DGKI: variants seen among roughly 807,000 people sequenced by gnomAD.
DGKI encodes the protein diacylglycerol kinase iota.
DGKI carries 55 observed loss-of-function variants against 147.5 expected under a neutral mutation model. The ratio of observed to expected loss-of-function variants is 0.37; its 90% CI spans 0.30 to 0.47. The LOEUF is 0.47. Among genes scored for constraint, DGKI ranks in the 20% least tolerant of loss-of-function variants. The pLI, the probability that DGKI is intolerant of heterozygous loss-of-function variation, is 1.00. For missense variants in DGKI, 1,007 were observed against 1,323.8 expected, an observed-to-expected ratio of 0.76 and a Z score of 3.71; for synonymous variants, 469 against 477.1, an observed-to-expected ratio of 0.98 and a Z score of 0.22.
intron 20 of DGKI, among the ~76,000 whole-genome samples, chr7:137,542,123 T>C (rs1326698227): frequency 6.6e-6 from 1 of 152,184 alleles, no homozygotes; most frequent in Non-Finnish European, 1.5e-5. Flanking sequence ...TACCAAGTGC[T>C]GATAGGGGTG....
intron 23 of DGKI, among the ~76,000 whole-genome samples, chr7:137,475,993 C>A (rs1210736431): frequency 1.3e-5 from 2 of 152,110 alleles, no homozygotes; most frequent in Non-Finnish European, 2.9e-5. Context: ...AAGCCCTTTC[C>A]TTTCAAAGTC....
chr7:137,595,576 T>C (rs549346716), intron 12 of DGKI, among the ~76,000 whole-genome samples: 123 of 152,306 alleles, frequency 8.1e-4, no homozygotes, highest in African/African-American at 2.9e-3. Context: ...TTCACAAGTG[T>C]GTGGACTTGG....
chr7:137,472,371 T>TATTATATGTATATATACATATAATA (rs1563040368), intron 23 of DGKI, among the ~76,000 whole-genome samples: 5 of 28,564 alleles, frequency 1.8e-4, no homozygotes, highest in East Asian at 1.3e-3. Flanking sequence ...TACATATAAT[T>TATTATATGTATATATACATATAATA]ATTATATGTA....
intron 23 of DGKI, among the ~76,000 whole-genome samples, chr7:137,477,990 C>G (rs1461386299): frequency 6.6e-6 from 1 of 152,184 alleles, no homozygotes; most frequent in Non-Finnish European, 1.5e-5. Context: ...ACAATCCCCA[C>G]ATATGTATTC....
chr7:137,694,025 TAAAA>T (rs1291034408), intron 1 of DGKI, among the ~76,000 whole-genome samples: 2 of 152,168 alleles, frequency 1.3e-5, no homozygotes, highest in Admixed American at 6.5e-5. Flanking sequence ...AATAGAAATT[TAAAA>T]ATTTATGGAA....
intron 7 of DGKI, among the ~76,000 whole-genome samples, chr7:137,621,441 A>G (rs1186416285): frequency 6.6e-6 from 1 of 152,210 alleles, no homozygotes; most frequent in Non-Finnish European, 1.5e-5. Context: ...GATGGAATCA[A>G]AACCCCAACC....
At chr7:137,756,714 TA>T (rs995003814) in intron 1 of DGKI, among the ~76,000 whole-genome samples, 13 of 150,484 alleles carry the variant, frequency 8.6e-5, no homozygotes, top group South Asian at 2.1e-4. Context: ...CTTGTGGGTT[TA>T]AAAAAAAAAT....
intron 28 of DGKI, among the ~76,000 whole-genome samples, chr7:137,412,487 T>C (rs934584225): frequency 2.6e-5 from 4 of 152,160 alleles, no homozygotes; most frequent in Non-Finnish European, 5.9e-5. Flanking sequence ...AAATCTCAAC[T>C]CTGATACTTT....
chr7:137,645,229 T>C (rs1821782974), intron 6 of DGKI, among the ~76,000 whole-genome samples: 1 of 152,256 alleles, frequency 6.6e-6, no homozygotes, highest in African/African-American at 2.4e-5. Flanking sequence ...ATCAATGAAA[T>C]TCACTGTAAG....
intron 30 of DGKI, among the ~76,000 whole-genome samples, chr7:137,405,445 G>A (rs1811909049): frequency 1.3e-5 from 2 of 152,160 alleles, no homozygotes; most frequent in Admixed American, 1.3e-4. Flanking sequence ...TTAAGACCCA[G>A]AACCAAAGTC....
intron 1 of DGKI, among the ~76,000 whole-genome samples, chr7:137,808,466 A>T (rs191861754): frequency 1.4e-3 from 210 of 152,304 alleles, no homozygotes; most frequent in African/African-American, 5.0e-3. Flanking sequence ...ACCATCACAC[A>T]GTGCTGCCTC....
intron 21 of DGKI, among the ~76,000 whole-genome samples, chr7:137,499,759 C>T (rs1483982812): frequency 1.3e-5 from 2 of 152,098 alleles, no homozygotes; most frequent in African/African-American, 2.4e-5. Flanking sequence ...TTTCCTGGTC[C>T]TCCAACTTTC....
chr7:137,490,923 T>C (rs923627535), intron 21 of DGKI, among the ~76,000 whole-genome samples: 4 of 152,244 alleles, frequency 2.6e-5, no homozygotes, highest in Admixed American at 6.5e-5. Context: ...GAACAAGCTG[T>C]GTTCCAGAAT....
At chr7:137,415,076 C>T (rs1294998984) in intron 28 of DGKI, among the ~76,000 whole-genome samples, 1 of 151,996 alleles carries the variant, frequency 6.6e-6, no homozygotes, top group African/African-American at 2.4e-5. Flanking sequence ...TGAAGCTGGG[C>T]AGACATATCT....
intron 1 of DGKI, among the ~76,000 whole-genome samples, chr7:137,733,880 C>T (rs1467253180): frequency 6.6e-6 from 1 of 152,074 alleles, no homozygotes; most frequent in Admixed American, 6.5e-5. Context: ...GTTTCACATG[C>T]TACCTATAAA....
chr7:137,572,129 A>C (rs946540834), intron 18 of DGKI, among the ~76,000 whole-genome samples: 1 of 152,220 alleles, frequency 6.6e-6, no homozygotes, highest in Non-Finnish European at 1.5e-5. Flanking sequence ...TTTGTGTCTG[A>C]GTTGTTTGGC....
chr7:137,795,789 T>TAA (rs1386163624), intron 1 of DGKI, among the ~76,000 whole-genome samples: 1 of 152,218 alleles, frequency 6.6e-6, no homozygotes, highest in African/African-American at 2.4e-5. Flanking sequence ...TTGCATACTC[T>TAA]AACTCACACA....
chr7:137,800,055 G>A (rs779758469), intron 1 of DGKI, among the ~76,000 whole-genome samples: 1 of 152,148 alleles, frequency 6.6e-6, no homozygotes, highest in Non-Finnish European at 1.5e-5. Flanking sequence ...GTTGCTTTAG[G>A]ACAACCAGGA....
At chr7:137,756,570 CA>C (rs1392345210) in intron 1 of DGKI, among the ~76,000 whole-genome samples, 1 of 152,194 alleles carries the variant, frequency 6.6e-6, no homozygotes, top group Non-Finnish European at 1.5e-5. Context: ...CTGGGGTTGA[CA>C]AAGAAGCCAT....
Sources: gnomAD v4.1 joint callset for allele counts (sites outside exome capture counted in the v4.1 genomes callset) on GRCh38, gnomAD v4.1.1 for gene constraint, MANE v1.5 for transcripts, NCBI Gene and HGNC (gene_info 2026-07-23, HGNC 2026-07-21) for gene names.